ZCCHC7: variants seen among roughly 807,000 people sequenced by gnomAD.
The protein encoded by ZCCHC7 is zinc finger CCHC domain-containing protein 7.
In ZCCHC7, 35 loss-of-function variants were observed where a neutral mutation model predicts 52.0. That is an observed-to-expected ratio of 0.67 (90% CI 0.51 to 0.89). ZCCHC7 has a LOEUF of 0.89. Among genes scored for constraint, ZCCHC7 ranks in the 40% least tolerant of loss-of-function variants. The pLI is 0.00. For synonymous variants in ZCCHC7, 217 were observed against 221.5 expected, an observed-to-expected ratio of 0.98 and a Z score of 0.18; for missense variants, 574 against 649.1, an observed-to-expected ratio of 0.88 and a Z score of 1.26.
rs533751264 is a variant in ZCCHC7, at chr9:37,260,955, T to C, written c.611-41233T>C. 4.6e-5 allele frequency among the ~76,000 whole-genome samples: 7 copies of C among 152,322 alleles called. No homozygotes were observed. In the South Asian group the frequency reaches 1.5e-3, roughly 32 times the overall value. Reference sequence around the variant, plus strand: ...ATCTTTCTTTTAATTACCACTTGGATTTTTATTATTTCTGATCTTTTTTTG... The same window carrying C: ...ATCTTTCTTTTAATTACCACTTGGACTTTTATTATTTCTGATCTTTTTTTG... On this transcript the variant is annotated intron_variant, in intron 2 of 8. Transcript: ENST00000336755.
chr9:37,308,768 C>T (rs980753884), intron 5 of ZCCHC7, among the ~76,000 whole-genome samples: 4 of 151,872 alleles, frequency 2.6e-5, no homozygotes, highest in African/African-American at 9.7e-5. Flanking sequence ...ATCACGAGGT[C>T]AAGAGATCGA....
chr9:37,216,781 G>C lies in ZCCHC7; in HGVS notation c.611-85407G>C, dbSNP rs375308664. Among the ~76,000 whole-genome samples, 366 of 152,242 alleles carry C rather than the reference G, an allele frequency of 2.4e-3. 4 individuals are homozygous for C. The highest frequency in any genetic ancestry group is 7.9e-3 in the African/African-American group (328 of 41,554). ...AAATTTTCTATTAAGACATTTCTTA[G>C]AACAGCCAGAAAACGGAAGTCTTTG... On this transcript the variant is annotated intron_variant, in intron 2 of 8. Coordinates refer to ENST00000336755, the MANE Select transcript of ZCCHC7 (RefSeq NM_032226.3).
intron 5 of ZCCHC7, among the ~76,000 whole-genome samples, chr9:37,315,648 T>C (rs1829784976): frequency 6.6e-6 from 1 of 151,902 alleles, no homozygotes; most frequent in Admixed American, 6.5e-5. Flanking sequence ...CATGGCTCAA[T>C]TTTTAAATTA....
At chr9:37,312,056 T>C (rs1424371134) in intron 5 of ZCCHC7, among the ~76,000 whole-genome samples, 1 of 152,234 alleles carries the variant, frequency 6.6e-6, no homozygotes. Flanking sequence ...TTTAGTGTAC[T>C]CCAAGGAGCA....
intron 2 of ZCCHC7, among the ~76,000 whole-genome samples, chr9:37,170,867 A>G (rs1821690456): frequency 1.3e-5 from 2 of 152,152 alleles, no homozygotes; most frequent in Non-Finnish European, 2.9e-5. Context: ...GCTACTTCCA[A>G]TGACTGTTTG....
intron 2 of ZCCHC7, among the ~76,000 whole-genome samples, chr9:37,266,291 CA>C (rs1827103976): frequency 6.6e-6 from 1 of 151,962 alleles, no homozygotes; most frequent in South Asian, 2.1e-4. Context: ...ATGGTATGGC[CA>C]AAATGGGCAA....
chr9:37,240,809 A>T (rs182090056), intron 2 of ZCCHC7, among the ~76,000 whole-genome samples: 1 of 151,826 alleles, frequency 6.6e-6, no homozygotes, highest in Non-Finnish European at 1.5e-5. Context: ...CTAAAAGGCC[A>T]TCATTTTGTG....
chr9:37,178,170 CTGATGAGTATA>C (rs1230534409), intron 2 of ZCCHC7, among the ~76,000 whole-genome samples: 1 of 152,080 alleles, frequency 6.6e-6, no homozygotes, highest in Non-Finnish European at 1.5e-5. Flanking sequence ...AAACACCATG[CTGATGAGTATA>C]TGATTTCTAG....
At chr9:37,191,048 A>G (rs533946437) in intron 2 of ZCCHC7, among the ~76,000 whole-genome samples, 24 of 152,076 alleles carry the variant, frequency 1.6e-4, no homozygotes, top group Non-Finnish European at 3.5e-4. Context: ...GAATACATGC[A>G]TTAGAACCCA....
intron 2 of ZCCHC7, among the ~76,000 whole-genome samples, chr9:37,185,325 G>T (rs1822593869): frequency 6.6e-6 from 1 of 152,166 alleles, no homozygotes; most frequent in Non-Finnish European, 1.5e-5. Context: ...CTTCCTGGGT[G>T]TTCCATTTGA....
intron 6 of ZCCHC7, among the ~76,000 whole-genome samples, chr9:37,348,487 C>T (rs308498): frequency 0.38 from 57,435 of 151,596 alleles, 11,283 homozygotes; most frequent in Middle Eastern, 0.45. Flanking sequence ...TCAAGCGATT[C>T]TCCTGCCTCA....
intron 2 of ZCCHC7, among the ~76,000 whole-genome samples, chr9:37,169,801 C>T (rs1196294773): frequency 6.6e-6 from 1 of 152,066 alleles, no homozygotes; most frequent in Non-Finnish European, 1.5e-5. Context: ...GCAACTTATG[C>T]CTGCAGTCCC....
chr9:37,120,535 C>T (rs966660251), upstream of ZCCHC7: 4 of 399,000 alleles, frequency 1.0e-5, no homozygotes, highest in Non-Finnish European at 1.8e-5. Flanking sequence ...TGCGCGGACG[C>T]GGCCTCCTTA....
chr9:37,122,692 C>T (rs1450453457), intron 1 of ZCCHC7, among the ~76,000 whole-genome samples: 1 of 152,256 alleles, frequency 6.6e-6, no homozygotes, highest in Non-Finnish European at 1.5e-5. Context: ...GTAATCCAGG[C>T]ACTTTGGGAG....
upstream of ZCCHC7, chr9:37,120,495 T>G (rs1842252164): frequency 2.5e-6 from 1 of 398,842 alleles, no homozygotes; most frequent in Admixed American, 4.4e-5. Flanking sequence ...AGAGCTGTGT[T>G]GTCCCCGGAA....
intron 2 of ZCCHC7, among the ~76,000 whole-genome samples, chr9:37,241,225 T>C (rs1564197863): frequency 1.3e-5 from 2 of 151,882 alleles, no homozygotes; most frequent in South Asian, 4.1e-4. Flanking sequence ...ACCTAAAATT[T>C]TTACTTAGAG....
At chr9:37,179,699 A>T (rs1167667312) in intron 2 of ZCCHC7, among the ~76,000 whole-genome samples, 1 of 151,954 alleles carries the variant, frequency 6.6e-6, no homozygotes, top group Admixed American at 6.6e-5. Flanking sequence ...GAGTTGATGG[A>T]TTTCTTTTTT....
chr9:37,196,529 TA>T, intron 2 of ZCCHC7, among the ~76,000 whole-genome samples: 1 of 152,194 alleles, frequency 6.6e-6, no homozygotes, highest in Non-Finnish European at 1.5e-5. Context: ...TGGGACTTAT[TA>T]TAGTAGAACC....
chr9:37,332,397 A>G (rs748957597), intron 6 of ZCCHC7, among the ~76,000 whole-genome samples: 3 of 151,508 alleles, frequency 2.0e-5, no homozygotes, highest in Non-Finnish European at 4.4e-5. Flanking sequence ...GTAATAGTCC[A>G]TCTCTGATAA....
Sources: allele counts gnomAD v4.1 joint callset (sites outside exome capture counted in the v4.1 genomes callset), GRCh38; gene constraint gnomAD v4.1.1; transcripts MANE v1.5; gene names NCBI Gene and HGNC (gene_info 2026-07-23, HGNC 2026-07-21).